The following PPARG variants were observed in gnomAD, a reference collection of about 807,000 sequenced individuals.
PPARG encodes peroxisome proliferator activated receptor gamma.
A neutral mutation model predicts 39.2 loss-of-function variants in PPARG; 17 were observed. The observed-to-expected ratio is 0.43, with a 90% CI of 0.30 to 0.65. The LOEUF is 0.65. PPARG is among the 30% of genes least tolerant of loss of function. The pLI is 0.13. For missense variants in PPARG, 406 were observed against 585.9 expected, an observed-to-expected ratio of 0.69 and a Z score of 3.17; for synonymous variants, 223 against 215.7, an observed-to-expected ratio of 1.03 and a Z score of -0.30.
intron 6 of PPARG, among the ~76,000 whole-genome samples, chr3:12,409,560 A>G (rs2050801299): frequency 6.6e-6 from 1 of 152,190 alleles, no homozygotes; most frequent in Non-Finnish European, 1.5e-5. Context: ...TAAGATTTGC[A>G]TTGATAGGAA....
At chr3:12,392,006 TATCTGATTAC>T (rs2050093366) in intron 4 of PPARG, among the ~76,000 whole-genome samples, 1 of 152,222 alleles carries the variant, frequency 6.6e-6, no homozygotes, top group Non-Finnish European at 1.5e-5. Flanking sequence ...TGTGAGGATT[TATCTGATTAC>T]TTCTCATGTT....
chr3:12,400,385 G>A (rs143214839), intron 5 of PPARG, among the ~76,000 whole-genome samples: 2 of 152,310 alleles, frequency 1.3e-5, no homozygotes, highest in East Asian at 3.9e-4. Flanking sequence ...TGTGTGTTCA[G>A]CAATATCAGT....
chr3:12,331,806 G>A (rs1395448057), intron 2 of PPARG, among the ~76,000 whole-genome samples: 1 of 152,222 alleles, frequency 6.6e-6, no homozygotes, highest in African/African-American at 2.4e-5. Flanking sequence ...TGATCAGCTG[G>A]GAGATTGGTG....
In PPARG at chr3:12,383,643, G is replaced by A. The variant is rs1025364010; in HGVS notation, c.390+2152G>A. On this transcript the variant is annotated intron_variant, in intron 4 of 7. Transcript: ENST00000651735. Reference sequence around the variant, plus strand: ...TCCACAATAAGTTATTGTTTTTTATGGGCTAGTAAAGCACTTAGAAAACTA... The same window carrying A: ...TCCACAATAAGTTATTGTTTTTTATAGGCTAGTAAAGCACTTAGAAAACTA... Among the ~76,000 whole-genome samples the A allele has an allele frequency of 3.8e-4, 58 of 152,094 alleles. 1 individual carries two copies. Among genetic ancestry groups the A allele is most frequent in the Admixed American group, 3.1e-3 (48 of 15,266 alleles).
chr3:12,326,458 T>C (rs1038190434), intron 2 of PPARG, among the ~76,000 whole-genome samples: 2 of 152,204 alleles, frequency 1.3e-5, no homozygotes, highest in Non-Finnish European at 2.9e-5. Context: ...AATGAGAAAA[T>C]TGACTGCAAG....
chr3:12,288,425 C>A (rs1030154171), upstream of PPARG, among the ~76,000 whole-genome samples: 4 of 151,578 alleles, frequency 2.6e-5, no homozygotes, highest in Admixed American at 2.0e-4. Flanking sequence ...GACAGCCCCC[C>A]TCGGGAGAGC....
intron 7 of PPARG, among the ~76,000 whole-genome samples, chr3:12,428,313 A>G (rs1401677598): frequency 6.6e-6 from 1 of 152,234 alleles, no homozygotes; most frequent in African/African-American, 2.4e-5. Context: ...TTCTTTCCCA[A>G]TTCTTCACAG....
chr3:12,343,136 AT>A (rs66740478), intron 2 of PPARG, among the ~76,000 whole-genome samples: 17,864 of 152,094 alleles, frequency 0.12, 3,471 homozygotes, highest in African/African-American at 0.4. Context: ...CCCTGTGTTG[AT>A]CTAAATCACT....
At chr3:12,340,883 T>C (rs796177405) in intron 2 of PPARG, among the ~76,000 whole-genome samples, 24 of 152,258 alleles carry the variant, frequency 1.6e-4, no homozygotes, top group African/African-American at 5.3e-4. Context: ...GTTTTGTATA[T>C]GCAATAAAAA....
intron 1 of PPARG, among the ~76,000 whole-genome samples, chr3:12,299,862 A>G (rs1349792606): frequency 1.3e-5 from 2 of 152,200 alleles, no homozygotes; most frequent in Non-Finnish European, 2.9e-5. Flanking sequence ...TTACAAGCTT[A>G]GAATATAATA....
intron 5 of PPARG, chr3:12,399,541 CACACTA>C: frequency 2.8e-6 from 1 of 353,418 alleles, no homozygotes; most frequent in Non-Finnish European, 5.5e-6. Context: ...GAGCCAAGAT[CACACTA>C]CTGTGCTCCA....
At chr3:12,341,892 T>C (rs1010535560) in intron 2 of PPARG, among the ~76,000 whole-genome samples, 1 of 152,082 alleles carries the variant, frequency 6.6e-6, no homozygotes, top group Non-Finnish European at 1.5e-5. Context: ...CAAGTATTGA[T>C]TCAGGAAAAG....
chr3:12,396,416 T>G (rs2050261582), intron 5 of PPARG, among the ~76,000 whole-genome samples: 1 of 152,074 alleles, frequency 6.6e-6, no homozygotes, highest in Non-Finnish European at 1.5e-5. Flanking sequence ...GCTACCACAC[T>G]GGCCTTGTCC....
chr3:12,377,901 T>G (rs988726861), intron 2 of PPARG, among the ~76,000 whole-genome samples: 1 of 152,174 alleles, frequency 6.6e-6, no homozygotes, highest in African/African-American at 2.4e-5. Context: ...TTCCAAAATA[T>G]GTAAGAAACT....
At chr3:12,381,539 T>C (rs4135261) in intron 4 of PPARG, 48 bp downstream of exon 4, 17 of 1,581,296 alleles carry the variant, frequency 1.1e-5, no homozygotes, top group Non-Finnish European at 1.4e-5. Context: ...CTTTATTATT[T>C]CATTTCAGCA....
intron 2 of PPARG, among the ~76,000 whole-genome samples, chr3:12,356,032 T>G (rs1178144858): frequency 1.3e-5 from 2 of 152,210 alleles, no homozygotes. Flanking sequence ...ATTTCTTCAT[T>G]ATCTTAGATC....
upstream of PPARG, chr3:12,287,892 C>G (rs1490980855): frequency 2.1e-5 from 3 of 143,218 alleles, no homozygotes; most frequent in African/African-American, 7.5e-5. Context: ...CTCGGCCCGA[C>G]CCGGCTCCGC....
intron 2 of PPARG, among the ~76,000 whole-genome samples, chr3:12,333,720 C>T (rs919122956): frequency 4.6e-5 from 7 of 152,162 alleles, no homozygotes; most frequent in Admixed American, 6.5e-5. Context: ...TCTGTGTGCT[C>T]GTTCATTCAG....
chr3:12,328,905 A>C (rs1218757450), intron 2 of PPARG, among the ~76,000 whole-genome samples: 1 of 152,140 alleles, frequency 6.6e-6, no homozygotes, highest in Non-Finnish European at 1.5e-5. Context: ...TCTCCCATAC[A>C]TTCCAAAAGG....
Sources: gnomAD v4.1 joint callset for allele counts (sites outside exome capture counted in the v4.1 genomes callset) on GRCh38, gnomAD v4.1.1 for gene constraint, MANE v1.5 for transcripts, NCBI Gene and HGNC (gene_info 2026-07-23, HGNC 2026-07-21) for gene names.